The following EYS variants were observed in gnomAD, a reference collection of about 807,000 sequenced individuals.
EYS encodes EGF-like photoreceptor maintenance factor.
Under a neutral mutation model 282.1 loss-of-function variants are expected in EYS, and 250 were observed. That is an observed-to-expected ratio of 0.89 (90% confidence interval 0.80 to 0.98). EYS has a LOEUF of 0.98. EYS is among the 50% of genes least tolerant of loss of function. The pLI, the probability that EYS is intolerant of heterozygous loss-of-function variation, is 0.00. For synonymous variants in EYS, 1,355 were observed against 1,282.9 expected, an observed-to-expected ratio of 1.06 and a Z score of -1.20; for missense variants, 4,016 against 3,709.0, an observed-to-expected ratio of 1.08 and a Z score of -2.15.
intron 22 of EYS, among the ~76,000 whole-genome samples, chr6:64,699,022 C>T (rs9351372): frequency 0.67 from 102,353 of 152,034 alleles, 35,649 homozygotes; most frequent in Middle Eastern, 0.78. Flanking sequence ...GACACATGCA[C>T]GTGAATGTTC....
intron 12 of EYS, among the ~76,000 whole-genome samples, chr6:65,111,701 G>A (rs930829361): frequency 6.6e-6 from 1 of 152,014 alleles, no homozygotes; most frequent in Non-Finnish European, 1.5e-5. Context: ...TACAAAAATA[G>A]CCAGGAGTGG....
intron 12 of EYS, among the ~76,000 whole-genome samples, chr6:65,260,536 A>G (rs187175819): frequency 6.6e-6 from 1 of 152,038 alleles, no homozygotes; most frequent in African/African-American, 2.4e-5. Context: ...TTCTTCTCTC[A>G]TTAAAATTGT....
At chr6:63,901,666 T>C (rs949767098) in intron 35 of EYS, among the ~76,000 whole-genome samples, 1 of 152,186 alleles carries the variant, frequency 6.6e-6, no homozygotes, top group South Asian at 2.1e-4. Flanking sequence ...ATATTACTAA[T>C]AGCTAACTTC....
Position 64,172,953 on chromosome 6 carries a change from A to G in EYS, c.6424+57639T>C, listed in dbSNP as rs142678647. Among the ~76,000 whole-genome samples the G allele has an allele frequency of 2.0e-5, 3 of 152,230 alleles. No homozygotes were observed. In the East Asian group the frequency reaches 5.8e-4, roughly 29 times the overall value. On this transcript the variant is annotated intron_variant, in intron 31 of 42. Coordinates refer to ENST00000503581, the MANE Select transcript of EYS (RefSeq NM_001142800.2). ...CCAAGGAAAAATTGCCTTCCGCGAA[A>G]CCGGTCCCTGTTGTCAAAAAGTTTG...
At chr6:64,039,279 A>T (rs1770272818) in intron 33 of EYS, among the ~76,000 whole-genome samples, 1 of 152,208 alleles carries the variant, frequency 6.6e-6, no homozygotes, top group Admixed American at 6.5e-5. Flanking sequence ...GGTAAGTATT[A>T]TTGTGATGGT....
chr6:63,895,373 CAT>C (rs533890861), intron 35 of EYS, among the ~76,000 whole-genome samples: 67 of 152,150 alleles, frequency 4.4e-4, no homozygotes, highest in African/African-American at 1.5e-3. Flanking sequence ...TTTCAGGAGA[CAT>C]AAAAATCATT....
At chr6:63,871,887 G>A (rs376226580) in intron 35 of EYS, among the ~76,000 whole-genome samples, 9 of 152,008 alleles carry the variant, frequency 5.9e-5, no homozygotes, top group African/African-American at 1.7e-4. Context: ...GGAGGCACGC[G>A]CAGGAAACTC....
intron 12 of EYS, among the ~76,000 whole-genome samples, chr6:65,140,991 G>A (rs1381295528): frequency 6.6e-6 from 1 of 151,508 alleles, no homozygotes; most frequent in Non-Finnish European, 1.5e-5. Context: ...CCCATTACTG[G>A]GTATAGACCC....
At chr6:65,386,466 C>T (rs146578856) in intron 7 of EYS, among the ~76,000 whole-genome samples, 3 of 151,904 alleles carry the variant, frequency 2.0e-5, no homozygotes, top group Non-Finnish European at 4.4e-5. Context: ...TCTCCAATCC[C>T]CCACTCCCAG....
At chr6:63,847,766 C>T (rs1459515013) in intron 36 of EYS, among the ~76,000 whole-genome samples, 1 of 152,114 alleles carries the variant, frequency 6.6e-6, no homozygotes, top group Non-Finnish European at 1.5e-5. Context: ...TTTAGTTGAT[C>T]TTATCAAAAT....
intron 18 of EYS, among the ~76,000 whole-genome samples, chr6:64,894,891 C>A (rs1936974937): frequency 6.6e-6 from 1 of 151,984 alleles, no homozygotes; most frequent in African/African-American, 2.4e-5. Flanking sequence ...TTTTTACCCA[C>A]AATTCTTGAA....
At chr6:63,814,746 G>GA (rs761413108) in intron 36 of EYS, among the ~76,000 whole-genome samples, 17 of 152,198 alleles carry the variant, frequency 1.1e-4, no homozygotes, top group East Asian at 1.9e-4. Flanking sequence ...CAGAAAAGGG[G>GA]AAAAAATCCC....
At chr6:65,231,281 T>A (rs1766776540) in intron 12 of EYS, among the ~76,000 whole-genome samples, 1 of 150,154 alleles carries the variant, frequency 6.7e-6, no homozygotes, top group Admixed American at 6.7e-5. Context: ...TTTTGGCTTA[T>A]TTCTCTGTGT....
At chr6:65,088,078 G>A (rs1774438710) in intron 12 of EYS, among the ~76,000 whole-genome samples, 2 of 152,152 alleles carry the variant, frequency 1.3e-5, no homozygotes, top group Admixed American at 1.3e-4. Flanking sequence ...CTATTTTAGT[G>A]AGTTTCCTGA....
intron 31 of EYS, among the ~76,000 whole-genome samples, chr6:64,185,442 A>G (rs900804498): frequency 9.9e-5 from 15 of 152,136 alleles, no homozygotes; most frequent in African/African-American, 3.4e-4. Context: ...ATTCTTGAAA[A>G]TCTCAGAACC....
chr6:64,305,708 C>T (rs1312925034), intron 30 of EYS, among the ~76,000 whole-genome samples: 1 of 152,056 alleles, frequency 6.6e-6, no homozygotes, highest in African/African-American at 2.4e-5. Context: ...AATAGTTGGA[C>T]CCTTACCTAA....
Position 64,443,994 on chromosome 6 carries a change from G to A in EYS, c.5645-4642C>T, listed in dbSNP as rs149882798. On this transcript the variant is annotated intron_variant, in intron 26 of 42. Coordinates refer to ENST00000503581, the MANE Select transcript of EYS (RefSeq NM_001142800.2). ...AGGATAACATGTCCCTATTATTACA[G>A]TGTTTTAAGAAAGTTAGTCAAAGCT... Among the ~76,000 whole-genome samples the A allele has an allele frequency of 3.7e-3, 564 of 152,250 alleles. 2 individuals are homozygous for A. Among genetic ancestry groups the A allele is most frequent in the African/African-American group, 0.012 (510 of 41,540 alleles).
chr6:65,305,772 T>C (rs1768987953), intron 11 of EYS, among the ~76,000 whole-genome samples: 1 of 152,222 alleles, frequency 6.6e-6, no homozygotes, highest in African/African-American at 2.4e-5. Context: ...TGGCATTGAA[T>C]TAACACAGGG....
Position 64,228,621 on chromosome 6 carries a change from T to G in EYS, c.6424+1971A>C, listed in dbSNP as rs185339358. 4.6e-3 allele frequency among the ~76,000 whole-genome samples: 704 copies of G among 152,210 alleles called. 22 individuals carry two copies. The highest frequency in any genetic ancestry group is 0.042 in the Admixed American group (644 of 15,270). Reference sequence around the variant, plus strand: ...TTATTAGTTTTTAAAATATTATAAATTCAGCAAGAAAAATAGTTAAAAACT... The same window carrying G: ...TTATTAGTTTTTAAAATATTATAAAGTCAGCAAGAAAAATAGTTAAAAACT... On this transcript the variant is annotated intron_variant, in intron 31 of 42. Transcript: ENST00000503581.
Sources: allele counts gnomAD v4.1 joint callset (sites outside exome capture counted in the v4.1 genomes callset), GRCh38; gene constraint gnomAD v4.1.1; transcripts MANE v1.5; gene names NCBI Gene and HGNC (gene_info 2026-07-23, HGNC 2026-07-21).